The following ZSCAN30 variants were observed in gnomAD, a reference collection of about 807,000 sequenced individuals.
ZSCAN30 encodes zinc finger and SCAN domain-containing protein 30.
In ZSCAN30, 37 loss-of-function variants were observed where a neutral mutation model predicts 44.3. The observed-to-expected ratio is 0.84, with a 90% CI of 0.64 to 1.10. The LOEUF is 1.10. ZSCAN30 is among the 50% of genes least tolerant of loss of function. The pLI, the probability that ZSCAN30 is intolerant of heterozygous loss-of-function variation, is 0.00. For missense variants in ZSCAN30, 549 were observed against 582.6 expected (o/e 0.94, Z 0.59); for synonymous variants, 181 against 204.6 (o/e 0.88, Z 0.98).
intron 1 of ZSCAN30, among the ~76,000 whole-genome samples, chr18:35,278,444 C>T (rs971175275): frequency 6.6e-6 from 1 of 152,180 alleles, no homozygotes; most frequent in African/African-American, 2.4e-5. Context: ...TGTCAGTTTT[C>T]CATAGATTTT....
intron 1 of ZSCAN30, among the ~76,000 whole-genome samples, chr18:35,265,465 G>C (rs1341961257): frequency 6.6e-6 from 1 of 152,170 alleles, no homozygotes; most frequent in East Asian, 1.9e-4. Flanking sequence ...TAGCAAAGTC[G>C]AGACATGAAC....
rs1009193897 is a variant in ZSCAN30, at chr18:35,290,083, C to G, written c.-104+1G>C. On this transcript the variant is annotated splice_donor_variant, in intron 1 of 3. Transcript: ENST00000333206. LOFTEE classifies it low-confidence loss of function (5UTR_SPLICE). ...AACTTGTATGTAGTAAGAAAACCTACCCTGCCCCAGAGAGCTTTCCCGAAA... is the reference window on the plus strand; with the variant it reads ...AACTTGTATGTAGTAAGAAAACCTAGCCTGCCCCAGAGAGCTTTCCCGAAA... The G allele has an allele frequency of 6.6e-6, 1 of 152,216 alleles. No homozygotes were observed. Among genetic ancestry groups the G allele is most frequent in the African/African-American group, 2.4e-5 (1 of 41,450 alleles). The allele number at this position is 152,216 out of a possible 1,614,324, so 9.4% of individuals were successfully genotyped here.
In ZSCAN30 at chr18:35,254,300, G is replaced by A. The variant is rs767327191; in HGVS notation, c.635C>T (p.Pro212Leu). 112 of 1,613,922 alleles carry A rather than the reference G, an allele frequency of 6.9e-5. No individual in the cohort carries two copies. Among genetic ancestry groups the A allele is most frequent in the Non-Finnish European group, 8.6e-5 (102 of 1,179,978 alleles). ...ECVASAAMIS[P>L]GKLPGETHSQ... ...ATGTGTTTCTCCAGGAAGTTTTCCC[G>A]GCGATATCATAGCTGCTGAGGCTAC... The change falls in exon 4 of 4, where the codon CCG (proline) becomes CTG (leucine). Residue 212 changes from proline to leucine, a missense_variant. By Grantham distance (98) the Pro-to-Leu change is moderately conservative. Transcript: ENST00000333206.
Position 35,279,687 on chromosome 18 carries a change from C to T in ZSCAN30, c.-104+10397G>A, listed in dbSNP as rs1166200836. Among the ~76,000 whole-genome samples the T allele has an allele frequency of 3.3e-5, 5 of 152,178 alleles. No homozygotes were observed. The East Asian group carries it at 5.8e-4, about 18-fold the overall frequency. On this transcript the variant is annotated intron_variant, in intron 1 of 3. Transcript: ENST00000333206. ...GCCATCTTCTCACTGTGTCCTCATACGGCAGAAAGCCTTGGAGCACTCCAA... is the reference window on the plus strand; with the variant it reads ...GCCATCTTCTCACTGTGTCCTCATATGGCAGAAAGCCTTGGAGCACTCCAA...
rs1335010274 is a variant in ZSCAN30, at chr18:35,253,588, G to A, written c.1347C>T (p.Ser449=). 1.2e-6 allele frequency: 2 copies of A among 1,614,038 alleles called. No individual in the cohort carries two copies. The highest frequency in any genetic ancestry group is 3.3e-5 in the Admixed American group (2 of 60,004). ...KPYECNECGK[S]FNQSSALTQH... The stretch of plus-strand genomic sequence containing the variant: ...GGGTGAGGGCTGAGCTCTGATTGAA[G>A]GATTTTCCACATTCATTACATTCAT... Residue 449 remains serine, a synonymous_variant, in exon 4 of 4, where the codon TCC becomes TCT. Coordinates refer to ENST00000333206, the MANE Select transcript of ZSCAN30 (RefSeq NM_001112734.4).
intron 1 of ZSCAN30, chr18:35,281,716 C>G (rs1238921604): frequency 6.6e-6 from 1 of 152,042 alleles, no homozygotes; most frequent in African/African-American, 2.4e-5. Context: ...AACTTTGGGC[C>G]TCCCTGAGTA....
At chr18:35,268,870 G>C (rs1302660196) in intron 1 of ZSCAN30, 3 of 152,168 alleles carry the variant, frequency 2.0e-5, no homozygotes, top group Non-Finnish European at 4.4e-5. Flanking sequence ...GAAAAGAAAA[G>C]GTAAAGTTTA....
chr18:35,265,108 T>C (rs1266040694), intron 1 of ZSCAN30, among the ~76,000 whole-genome samples: 1 of 150,712 alleles, frequency 6.6e-6, no homozygotes, highest in Non-Finnish European at 1.5e-5. Flanking sequence ...ATGGCGCCAC[T>C]GCACTCCAGC....
At chr18:35,254,829 T>C (rs2043740263) in intron 3 of ZSCAN30, 1 of 197,752 alleles carries the variant, frequency 5.1e-6, no homozygotes, top group Admixed American at 5.3e-5. Context: ...GAAGATATGA[T>C]TAGGAAATGC....
At chr18:35,283,328 T>A (rs1456649773) in intron 1 of ZSCAN30, 1 of 152,136 alleles carries the variant, frequency 6.6e-6, no homozygotes, top group Non-Finnish European at 1.5e-5. Flanking sequence ...GAGGTGGAGG[T>A]TGCAATGAGA....
rs1435285385 is a variant in ZSCAN30 at position 35,253,237 on chromosome 18, C to T, written c.*213G>A. 1.8e-5 allele frequency: 8 copies of T among 440,680 alleles called. No individual in the cohort carries two copies. In the Middle Eastern group the frequency reaches 1.6e-3, roughly 86 times the overall value. The allele number at this position is 440,680 out of a possible 1,614,324, so 27.3% of individuals were successfully genotyped here. ...GTTAGGCATTTCAAGGAAATATCTA[C>T]CATTCTTTTTGGAGAAGACTTGGGT... On this transcript the variant is annotated 3_prime_UTR_variant, in exon 4 of 4. Transcript: ENST00000333206.
chr18:35,257,805 G>A, intron 3 of ZSCAN30: 1 of 764,762 alleles, frequency 1.3e-6, no homozygotes, highest in South Asian at 1.4e-5. Flanking sequence ...ACTCTGCAGT[G>A]CAATTATGCT....
chr18:35,257,643 T>C, intron 3 of ZSCAN30: 1 of 443,292 alleles, frequency 2.3e-6, no homozygotes, highest in Non-Finnish European at 4.0e-6. Flanking sequence ...CAGTTGATGG[T>C]ATTTTGTTAT....
chr18:35,257,624 C>A (rs966211423), intron 3 of ZSCAN30: 3 of 391,988 alleles, frequency 7.7e-6, no homozygotes, highest in East Asian at 9.2e-5. Context: ...GTGTTGTTTA[C>A]AAGCCACTCA....
intron 1 of ZSCAN30, chr18:35,285,300 T>A (rs2044531667): frequency 7.2e-6 from 1 of 139,778 alleles, no homozygotes; most frequent in South Asian, 2.2e-4. Flanking sequence ...ACCACAATTA[T>A]TGACAGAGAA....
chr18:35,268,825 T>C (rs1555947661), intron 1 of ZSCAN30: 1 of 152,192 alleles, frequency 6.6e-6, no homozygotes, highest in Non-Finnish European at 1.5e-5. Context: ...TTTAAAGTAT[T>C]CTTATTTTCA....
intron 3 of ZSCAN30, 151 bp downstream of exon 3, chr18:35,263,362 G>A: frequency 1.1e-6 from 1 of 924,134 alleles, no homozygotes; most frequent in Non-Finnish European, 1.6e-6. Context: ...CAGATTCTAG[G>A]CAGAGCCTAA....
intron 1 of ZSCAN30, among the ~76,000 whole-genome samples, chr18:35,280,700 C>T (rs989511429): frequency 1.3e-5 from 2 of 152,220 alleles, no homozygotes; most frequent in Admixed American, 1.3e-4. Context: ...GACATGCACA[C>T]TGACATGTCA....
At chr18:35,277,538 C>CT (rs2143758994) in intron 1 of ZSCAN30, among the ~76,000 whole-genome samples, 1 of 152,204 alleles carries the variant, frequency 6.6e-6, no homozygotes, top group South Asian at 2.1e-4. Flanking sequence ...TTATAAGGGG[C>CT]TTTTCCCCTT....
Sources: gnomAD v4.1 joint callset for allele counts (sites outside exome capture counted in the v4.1 genomes callset) on GRCh38, gnomAD v4.1.1 for gene constraint, MANE v1.5 for transcripts, NCBI Gene and HGNC (gene_info 2026-07-23, HGNC 2026-07-21) for gene names.